Variants in PDE1B observed in about 807,000 individuals in gnomAD.
PDE1B encodes the protein dual specificity calcium/calmodulin-dependent 3',5'-cyclic nucleotide phosphodiesterase 1B.
In PDE1B, 13 loss-of-function variants were observed where a neutral mutation model predicts 66.7. The observed-to-expected ratio is 0.19, with a 90% CI of 0.13 to 0.31. The LOEUF is 0.31. Ranked by LOEUF, PDE1B falls within the 10% of genes least tolerant of loss-of-function variation. The pLI is 1.00. For missense variants in PDE1B, 485 were observed against 682.3 expected, an observed-to-expected ratio of 0.71 and a Z score of 3.22; for synonymous variants, 230 against 253.9, an observed-to-expected ratio of 0.91 and a Z score of 0.90.
rs754575406 is a variant in PDE1B, at chr12:54,573,355, G to A, written c.837G>A (p.Lys279=). ...GTTNSFHIQT[K]SECAIVYNDR... ...GTCATGATGACCTTTGGCTTTGTAGGTCAGAATGTGCCATCGTGTACAATG... is the reference window on the plus strand; with the variant it reads ...GTCATGATGACCTTTGGCTTTGTAGATCAGAATGTGCCATCGTGTACAATG... Residue 279 remains lysine (K), a splice_region_variant and synonymous_variant, in exon 9 of 16, where the codon AAG becomes AAA. Coordinates refer to ENST00000243052, the MANE Select transcript of PDE1B (RefSeq NM_000924.4). The surrounding 1 kb of genome is among the most constrained non-coding windows in gnomAD (Gnocchi z 5.2). The A allele has an allele frequency of 1.2e-6, 2 of 1,614,102 alleles. No homozygotes were observed. The highest frequency in any genetic ancestry group is 2.2e-5 in the South Asian group (2 of 91,076).
chr12:54,550,363 G>A (rs1297378749), intron 2 of PDE1B, among the ~76,000 whole-genome samples: 1 of 152,248 alleles, frequency 6.6e-6, no homozygotes, highest in African/African-American at 2.4e-5. Flanking sequence ...TGAGCCACAT[G>A]ACATGTGTGT....
chr12:54,569,724 T>C lies in PDE1B; in HGVS notation c.477+112T>C. On this transcript the variant is annotated intron_variant, in intron 5 of 15. Transcript: ENST00000243052. The surrounding 1 kb of genome is among the most constrained non-coding windows in gnomAD (Gnocchi z 4.4). ...TTGCCTTCCTTTTTTTTTTTTGAAA[T>C]GGAGTCTCGCTCTTGTCACTCAGGC... is the stretch of plus-strand genomic sequence containing the variant. 1 of 709,870 alleles carries C rather than the reference T, an allele frequency of 1.4e-6. No individual in the cohort carries two copies. Among genetic ancestry groups the C allele is most frequent in the Non-Finnish European group, 2.5e-6 (1 of 404,692 alleles). 44.0% of individuals were successfully genotyped at this position (709,870 alleles called of 1,614,324 possible).
Position 54,575,459 on chromosome 12 carries a change from A to G in PDE1B, c.1186-92A>G. On this transcript the variant is annotated intron_variant, in intron 11 of 15. Transcript: ENST00000243052. The surrounding 1 kb of genome is among the most constrained non-coding windows in gnomAD (Gnocchi z 4.0). ...CAACAGTGCAGAAATTTCACACAAC[A>G]ACCCCCCACCCCCACCACTTGCCAC... is the stretch of plus-strand genomic sequence containing the variant. 1 of 903,716 alleles carries G rather than the reference A, an allele frequency of 1.1e-6. No individual in the cohort carries two copies. Among genetic ancestry groups the G allele is most frequent in the Non-Finnish European group, 1.9e-6 (1 of 538,970 alleles). The allele number at this position is 903,716 out of a possible 1,614,324, so 56.0% of individuals were successfully genotyped here. A position where few individuals can be genotyped will look rare whatever the true frequency, so the allele number is the denominator to read the frequency against.
At position 54,575,198 on chromosome 12, in the gene PDE1B, A is replaced by T; in HGVS notation, c.1165A>T (p.Met389Leu). 6.2e-7 allele frequency: 1 copy of T among 1,613,376 alleles called. No homozygotes were observed. The highest frequency in any genetic ancestry group is 8.5e-7 in the Non-Finnish European group (1 of 1,179,468). ...LVHSRWTKAL[M>L]EEFFRQGDKE... ...CCACAGCCGTTGGACCAAGGCCCTC[A>T]TGGAGGAATTCTTCCGTCAGGTAGC... The change falls in exon 11 of 16, where the codon ATG (methionine) becomes TTG (leucine). Residue 389 changes from methionine (M) to leucine (L), a missense_variant. By Grantham distance (15) the Met-to-Leu change is conservative. Transcript: ENST00000243052. The surrounding 1 kb of genome is among the most constrained non-coding windows in gnomAD (Gnocchi z 4.0).
rs1957746835 is a variant in PDE1B at position 54,576,394 on chromosome 12, G to A, written c.1377-177G>A. 1.5e-5 allele frequency: 10 copies of A among 664,204 alleles called. No individual in the cohort carries two copies. In the South Asian group the frequency reaches 1.9e-4, roughly 13 times the overall value. 41.1% of individuals were successfully genotyped at this position (664,204 alleles called of 1,614,324 possible). The stretch of plus-strand genomic sequence containing the variant: ...CCAGGAGGGAAGATGTGGAGAGGGA[G>A]GGGTGAAATGAGGGGGAGAGGGACA... On this transcript the variant is annotated intron_variant, in intron 13 of 15. Coordinates refer to ENST00000243052, the MANE Select transcript of PDE1B (RefSeq NM_000924.4).
At chr12:54,574,874 C>T in intron 10 of PDE1B, 1 of 368,724 alleles carries the variant, frequency 2.7e-6, no homozygotes, top group Non-Finnish European at 4.9e-6. Flanking sequence ...ATTCGGGAGG[C>T]TGAGGTGGGA....
At chr12:54,554,923 A>C (rs1957324609) in intron 2 of PDE1B, among the ~76,000 whole-genome samples, 2 of 152,210 alleles carry the variant, frequency 1.3e-5, no homozygotes, top group African/African-American at 4.8e-5. Context: ...ATGGATGGGC[A>C]ACTATTGGCT....
chr12:54,560,435 G>A (rs892001332), intron 2 of PDE1B, among the ~76,000 whole-genome samples: 42 of 152,068 alleles, frequency 2.8e-4, no homozygotes, highest in African/African-American at 9.2e-4. Flanking sequence ...CGCAGCCATA[G>A]ACCTACATCT....
At chr12:54,554,744 C>T (rs1014185534) in intron 2 of PDE1B, among the ~76,000 whole-genome samples, 2 of 152,170 alleles carry the variant, frequency 1.3e-5, no homozygotes, top group Non-Finnish European at 2.9e-5. Context: ...AGTTCGAGTT[C>T]ACATTCTGCC....
chr12:54,564,232 T>C (rs1957472624), intron 2 of PDE1B, among the ~76,000 whole-genome samples: 1 of 151,600 alleles, frequency 6.6e-6, no homozygotes, highest in Non-Finnish European at 1.5e-5. Flanking sequence ...TATTGTAAAG[T>C]CTTTTGGAGT....
chr12:54,566,863 A>G (rs748383040), intron 2 of PDE1B, 111 bp from the exon 3 acceptor site: 8 of 528,458 alleles, frequency 1.5e-5, no homozygotes, highest in African/African-American at 3.9e-5. Context: ...ATGATTAACT[A>G]TTTACAAAAG....
Position 54,576,083 on chromosome 12 carries a change from G to A in PDE1B, c.1359G>A (p.Lys453=). 6.2e-7 allele frequency: 1 copy of A among 1,610,836 alleles called. No individual in the cohort carries two copies. Among genetic ancestry groups the A allele is most frequent in the South Asian group, 1.1e-5 (1 of 90,996 alleles). Residue 453 remains lysine (K), a synonymous_variant, in exon 13 of 16, where the codon AAG becomes AAA. Transcript: ENST00000243052. Reference sequence around the variant, plus strand: ...AGCCCCTGGCGGATGAGGACTCCAAGTCTAAAAACCAGCCCAGGTGAGGGT... The same window carrying A: ...AGCCCCTGGCGGATGAGGACTCCAAATCTAAAAACCAGCCCAGGTGAGGGT... ...SVQPLADEDS[K]SKNQPSFQWR...
At position 54,569,042 on chromosome 12, in the gene PDE1B, T is replaced by C; in HGVS notation, c.228-142T>C. On this transcript the variant is annotated intron_variant, in intron 3 of 15. Transcript: ENST00000243052. The surrounding 1 kb of genome is among the most constrained non-coding windows in gnomAD (Gnocchi z 4.4). ...GATGTTAGATAAAGAAATAAAAAGA[T>C]ATAGAGAAAGAAAGGAAACAGGGTT... 7.3e-7 allele frequency: 1 copy of C among 1,365,758 alleles called. No homozygotes were observed. Among genetic ancestry groups the C allele is most frequent in the African/African-American group, 1.5e-5 (1 of 68,544 alleles). 84.6% of individuals were successfully genotyped at this position (1,365,758 alleles called of 1,614,324 possible). A position where few individuals can be genotyped will look rare whatever the true frequency, so the allele number is the denominator to read the frequency against.
chr12:54,574,095 C>T, intron 10 of PDE1B: 1 of 223,924 alleles, frequency 4.5e-6, no homozygotes, highest in Non-Finnish European at 9.0e-6. Flanking sequence ...CGCCTCCCCC[C>T]ACAACAGCTT....
chr12:54,572,349 A>C (rs993924944), intron 6 of PDE1B: 1 of 546,512 alleles, frequency 1.8e-6, no homozygotes, highest in African/African-American at 1.8e-5. Context: ...TTATCTCATT[A>C]ATTTCCAGGT....
At position 54,578,660 on chromosome 12, in the gene PDE1B, G is replaced by A. The variant is rs1158732423; in HGVS notation, c.*818G>A. On this transcript the variant is annotated 3_prime_UTR_variant, in exon 16 of 16. Transcript: ENST00000243052. ...TGCCTCCTTCCTCTCCCCTGGGGCT[G>A]GGAGGCTCCATCCGACCAATGTCTG... The A allele has an allele frequency of 6.6e-6, 1 of 152,250 alleles. No homozygotes were observed. Among genetic ancestry groups the A allele is most frequent in the African/African-American group, 2.4e-5 (1 of 41,412 alleles). The allele number at this position is 152,250 out of a possible 1,614,324, so 9.4% of individuals were successfully genotyped here. A position where few individuals can be genotyped will look rare whatever the true frequency, so the allele number is the denominator to read the frequency against.
chr12:54,574,094 C>A, intron 10 of PDE1B: 1 of 224,248 alleles, frequency 4.5e-6, no homozygotes, highest in East Asian at 1.1e-4. Context: ...ACGCCTCCCC[C>A]CACAACAGCT....
chr12:54,561,511 T>C (rs1278069935), intron 2 of PDE1B: 1 of 1,420,902 alleles, frequency 7.0e-7, no homozygotes, highest in Non-Finnish European at 9.2e-7. Flanking sequence ...AAAGAGGAAG[T>C]TGTCCCCTCT....
chr12:54,569,703 CT>C lies in PDE1B; in HGVS notation c.477+93del, dbSNP rs1425136574. On this transcript the variant is annotated intron_variant, in intron 5 of 15. Transcript: ENST00000243052. This position sits in a 1 kb window ranked among gnomAD's most constrained non-coding sequence, Gnocchi z 4.4. ...ACCCTGTTTATGGCATTATTTTTGC[CT>C]TCCTTTTTTTTTTTTGAAATGGAGT... is the stretch of plus-strand genomic sequence containing the variant. 1 of 873,726 alleles carries C rather than the reference CT, an allele frequency of 1.1e-6. No homozygotes were observed. Among genetic ancestry groups the C allele is most frequent in the East Asian group, 2.5e-5 (1 of 39,664 alleles). 54.1% of individuals were successfully genotyped at this position (873,726 alleles called of 1,614,324 possible).
Sources: allele counts gnomAD v4.1 joint callset (sites outside exome capture counted in the v4.1 genomes callset), GRCh38; gene constraint gnomAD v4.1.1; non-coding constraint Gnocchi (gnomAD v3.1); transcripts MANE v1.5; gene names NCBI Gene and HGNC (gene_info 2026-07-23, HGNC 2026-07-21).